SAMD13: variants seen among roughly 807,000 people sequenced by gnomAD.
SAMD13 encodes sterile alpha motif domain containing 13.
A neutral mutation model predicts 12.4 loss-of-function variants in SAMD13; 9 were observed. The ratio of observed to expected loss-of-function variants is 0.72; its 90% CI spans 0.44 to 1.26. The LOEUF (loss-of-function observed/expected upper bound fraction) is 1.26. SAMD13 is among the 50% of genes most tolerant of loss of function. The probability of loss-of-function intolerance (pLI) is 0.00; values close to 1 mark genes in which losing one functional copy is unlikely to be tolerated. For missense variants in SAMD13, 84 were observed against 119.6 expected (o/e 0.70, Z 1.39); for synonymous variants, 46 against 45.4 (o/e 1.01, Z -0.05).
intron 3 of SAMD13, among the ~76,000 whole-genome samples, chr1:84,327,716 A>T (rs1243016980): frequency 2.6e-5 from 4 of 152,236 alleles, no homozygotes; most frequent in Non-Finnish European, 5.9e-5. Flanking sequence ...CATCAAACAT[A>T]TGCATTGGCA....
chr1:84,327,806 C>T (rs573339584), intron 3 of SAMD13, among the ~76,000 whole-genome samples: 1 of 152,150 alleles, frequency 6.6e-6, no homozygotes, highest in South Asian at 2.1e-4. Context: ...TCTAGGTGTT[C>T]AGAATATGGG....
At chr1:84,300,969 G>T (rs1425929376), upstream of SAMD13, among the ~76,000 whole-genome samples, 1 of 152,138 alleles carries the variant, frequency 6.6e-6, no homozygotes, top group African/African-American at 2.4e-5. Flanking sequence ...GTCCAACTGG[G>T]ATAAACAGTT....
At chr1:84,321,897 A>G (rs1371514130) in intron 2 of SAMD13, among the ~76,000 whole-genome samples, 2 of 152,206 alleles carry the variant, frequency 1.3e-5, no homozygotes, top group Non-Finnish European at 2.9e-5. Flanking sequence ...GGAAGAGCCC[A>G]GTGAAATCAT....
intron 2 of SAMD13, among the ~76,000 whole-genome samples, chr1:84,310,874 A>G (rs370305118): frequency 3.9e-5 from 6 of 152,190 alleles, no homozygotes; most frequent in African/African-American, 1.4e-4. Flanking sequence ...AATGTATGAA[A>G]TTATTATTGT....
At chr1:84,324,039 G>A (rs1366044993) in intron 2 of SAMD13, among the ~76,000 whole-genome samples, 1 of 152,074 alleles carries the variant, frequency 6.6e-6, no homozygotes, top group Non-Finnish European at 1.5e-5. Context: ...CTCTATGTCT[G>A]GTCTAGCACT....
rs1362785986 is a variant in SAMD13, at chr1:84,345,323, TG to T, written c.166-4304del. 3 of 420,698 alleles carry T rather than the reference TG, an allele frequency of 7.1e-6. No individual in the cohort carries two copies. The Admixed American group carries it at 7.7e-5, about 11-fold the overall frequency. 26.1% of individuals were successfully genotyped at this position (420,698 alleles called of 1,614,324 possible). On this transcript the variant is annotated intron_variant, in intron 3 of 3. Transcript: ENST00000394834. ...TAACAGGGAGATTTTCATATGAGGC[TG>T]GGGTGTTCTGATGCTTATGAAAGAC... is the stretch of plus-strand genomic sequence containing the variant.
chr1:84,329,822 C>T (rs965682858), intron 3 of SAMD13, among the ~76,000 whole-genome samples: 3 of 152,190 alleles, frequency 2.0e-5, no homozygotes, highest in Admixed American at 6.5e-5. Context: ...GTCAATAGCA[C>T]GTATGTTTTG....
Position 84,313,060 on chromosome 1 carries a change from G to A in SAMD13, c.53+9773G>A, listed in dbSNP as rs1029642086. On this transcript the variant is annotated intron_variant, in intron 2 of 3. Coordinates refer to ENST00000394834, the MANE Select transcript of SAMD13 (RefSeq NM_001134663.2). ...AGTATTTATTTCATTATTAAAAATA[G>A]CTACCTAAATAACTAAGATGGAGCC... is the stretch of plus-strand genomic sequence containing the variant. Among the ~76,000 whole-genome samples, 245 of 152,128 alleles carry A rather than the reference G, an allele frequency of 1.6e-3. 3 individuals carry two copies. Among genetic ancestry groups the A allele is most frequent in the Non-Finnish European group, 2.2e-4 (15 of 67,982 alleles).
At chr1:84,300,407 G>T (rs527416335), upstream of SAMD13, among the ~76,000 whole-genome samples, 15 of 152,250 alleles carry the variant, frequency 9.9e-5, no homozygotes, top group African/African-American at 3.6e-4. Flanking sequence ...CAAATTTTTT[G>T]ACCTTGAAAT....
chr1:84,345,989 C>T (rs1452732193), intron 3 of SAMD13, among the ~76,000 whole-genome samples: 2 of 152,154 alleles, frequency 1.3e-5, no homozygotes, highest in Non-Finnish European at 2.9e-5. Context: ...CAGGCATGTA[C>T]CACCATACTC....
intron 1 of SAMD13, chr1:84,302,685 T>C: frequency 1.0e-6 from 1 of 985,820 alleles, no homozygotes; most frequent in Non-Finnish European, 1.2e-6. Flanking sequence ...TCGTTGAGAA[T>C]GTGAGGTAGG....
intron 3 of SAMD13, among the ~76,000 whole-genome samples, chr1:84,338,261 A>G (rs1450669904): frequency 1.3e-5 from 2 of 152,086 alleles, no homozygotes; most frequent in Non-Finnish European, 2.9e-5. Flanking sequence ...TGATAAAGAC[A>G]TATCCAAGAC....
At chr1:84,343,391 A>C (rs1679468725) in intron 3 of SAMD13, among the ~76,000 whole-genome samples, 1 of 152,240 alleles carries the variant, frequency 6.6e-6, no homozygotes, top group Non-Finnish European at 1.5e-5. Flanking sequence ...TCTATCATGA[A>C]GATACATGCA....
intron 3 of SAMD13, among the ~76,000 whole-genome samples, chr1:84,327,667 G>C (rs998315238): frequency 6.6e-5 from 10 of 152,162 alleles, no homozygotes; most frequent in African/African-American, 2.4e-4. Context: ...GAAGTGTTTA[G>C]GGTAAAGTAT....
chr1:84,333,829 G>C (rs116241330), intron 3 of SAMD13, among the ~76,000 whole-genome samples: 1 of 151,922 alleles, frequency 6.6e-6, no homozygotes, highest in Non-Finnish European at 1.5e-5. Flanking sequence ...TTGGGGTTTT[G>C]GGTCCGTTTA....
intron 3 of SAMD13, among the ~76,000 whole-genome samples, chr1:84,346,875 T>A (rs1679546092): frequency 6.6e-6 from 1 of 152,228 alleles, no homozygotes. Flanking sequence ...TGCCTACATC[T>A]TCCTGGCAAA....
At chr1:84,317,442 CT>C (rs750479320) in intron 2 of SAMD13, among the ~76,000 whole-genome samples, 1 of 151,808 alleles carries the variant, frequency 6.6e-6, no homozygotes, top group African/African-American at 2.4e-5. Flanking sequence ...TTATCAAACA[CT>C]TTTTTTATCT....
Position 84,307,878 on chromosome 1 carries a change from C to A in SAMD13, c.53+4591C>A, listed in dbSNP as rs1029307270. On this transcript the variant is annotated intron_variant, in intron 2 of 3. Coordinates refer to ENST00000394834, the MANE Select transcript of SAMD13 (RefSeq NM_001134663.2). ...GAAAAAGGCACTATATCCATCCCTG[C>A]ATCGTCTCCAAGACTCATTCCCTCT... Among the ~76,000 whole-genome samples the A allele has an allele frequency of 1.3e-5, 2 of 152,208 alleles. 1 individual carries two copies. The highest frequency in any genetic ancestry group is 4.1e-4 in the South Asian group (2 of 4,834).
At chr1:84,334,515 ATTTGTTCATC>A (rs1226053617) in intron 3 of SAMD13, among the ~76,000 whole-genome samples, 1 of 151,700 alleles carries the variant, frequency 6.6e-6, no homozygotes, top group Non-Finnish European at 1.5e-5. Flanking sequence ...CAACCCCTCG[ATTTGTTCATC>A]TTTTATATGG....
Sources: allele counts gnomAD v4.1 joint callset (sites outside exome capture counted in the v4.1 genomes callset), GRCh38; gene constraint gnomAD v4.1.1; transcripts MANE v1.5; gene names NCBI Gene and HGNC (gene_info 2026-07-23, HGNC 2026-07-21).